The following SORT1 variants were observed in gnomAD, a reference collection of about 807,000 sequenced individuals.
The protein encoded by SORT1 is sortilin 1.
A neutral mutation model predicts 101.7 loss-of-function variants in SORT1; 39 were observed. The ratio of observed to expected loss-of-function variants is 0.38; its 90% CI spans 0.30 to 0.50. The LOEUF is 0.50. Among genes scored for constraint, SORT1 ranks in the 20% least tolerant of loss-of-function variants. The probability of loss-of-function intolerance (pLI) is 0.90; values close to 1 mark genes in which losing one functional copy is unlikely to be tolerated. For synonymous variants in SORT1, 396 were observed against 393.7 expected (o/e 1.01, Z -0.07); for missense variants, 878 against 1,040.4 (o/e 0.84, Z 2.15).
At chr1:109,389,739 G>A (rs1022454558) in intron 1 of SORT1, 2 of 152,170 alleles carry the variant, frequency 1.3e-5, no homozygotes, top group South Asian at 2.1e-4. Context: ...TTTTGGAAAC[G>A]TTAGCACTTC....
At chr1:109,394,425 G>GA (rs1047203113) in intron 1 of SORT1, among the ~76,000 whole-genome samples, 6 of 151,752 alleles carry the variant, frequency 4.0e-5, no homozygotes, top group Non-Finnish European at 8.8e-5. Context: ...AATGATATGA[G>GA]AAAAAAAACC....
intron 5 of SORT1, among the ~76,000 whole-genome samples, chr1:109,352,837 T>C (rs1650052742): frequency 6.6e-6 from 1 of 152,236 alleles, no homozygotes; most frequent in Non-Finnish European, 1.5e-5. Flanking sequence ...AGGACAGTGC[T>C]GTTTTAATAA....
intron 10 of SORT1, among the ~76,000 whole-genome samples, chr1:109,339,498 A>C (rs759985190): frequency 6.6e-6 from 1 of 152,234 alleles, no homozygotes; most frequent in East Asian, 1.9e-4. Context: ...AAAGTTGTTC[A>C]ACATCTTTAG....
In SORT1 at chr1:109,314,663, G is replaced by A; in HGVS notation, c.2357+9C>T. On this transcript the variant is annotated intron_variant, in intron 18 of 19. Coordinates refer to ENST00000256637, the MANE Select transcript of SORT1 (RefSeq NM_002959.7). ...CTCAGTACCTTGGATTGACTTCTGTGTTCCTTACCTTCCCCCACAGACATA... is the reference window on the plus strand; with the variant it reads ...CTCAGTACCTTGGATTGACTTCTGTATTCCTTACCTTCCCCCACAGACATA... 6.4e-7 allele frequency: 1 copy of A among 1,552,344 alleles called. No individual in the cohort carries two copies. Among genetic ancestry groups the A allele is most frequent in the Non-Finnish European group, 8.9e-7 (1 of 1,123,710 alleles).
Position 109,394,984 on chromosome 1 carries a change from C to T in SORT1, c.306+2603G>A, listed in dbSNP as rs1213912532. Among the ~76,000 whole-genome samples, 4 of 152,042 alleles carry T rather than the reference C, an allele frequency of 2.6e-5. No individual in the cohort carries two copies. In the East Asian group the frequency reaches 5.8e-4, roughly 22 times the overall value. ...CTGTTTTATAAACGGTCCAAAAATA[C>T]TAGATCTCTTCAATACAGTTCAGGA... On this transcript the variant is annotated intron_variant, in intron 1 of 19. Coordinates refer to ENST00000256637, the MANE Select transcript of SORT1 (RefSeq NM_002959.7).
At chr1:109,314,210 T>C in intron 19 of SORT1, 51 bp downstream of exon 19, 1 of 1,064,844 alleles carries the variant, frequency 9.4e-7, no homozygotes, top group South Asian at 1.2e-5. Context: ...CTTTATTTTC[T>C]TGTATTTTTT....
chr1:109,318,551 G>A (rs1251424538), intron 15 of SORT1, among the ~76,000 whole-genome samples: 2 of 152,230 alleles, frequency 1.3e-5, no homozygotes, highest in Non-Finnish European at 2.9e-5. Context: ...CTCAGGCGCA[G>A]GGAGGTGACT....
rs150300568 is a variant in SORT1 at position 109,313,847 on chromosome 1, T to C, written c.*196A>G. 5.9e-4 allele frequency: 330 copies of C among 558,262 alleles called. 1 individual carries two copies. In the East Asian group the frequency reaches 9.0e-3, roughly 15 times the overall value. 34.6% of individuals were successfully genotyped at this position (558,262 alleles called of 1,614,324 possible). A position where few individuals can be genotyped will look rare whatever the true frequency, so the allele number is the denominator to read the frequency against. The stretch of plus-strand genomic sequence containing the variant: ...ATGTCTCCCTTTTTCTCAGAGCCAA[T>C]TGTAAAAAAGTGCTCAGGGTTCCCC... On this transcript the variant is annotated 3_prime_UTR_variant, in exon 20 of 20. Coordinates refer to ENST00000256637, the MANE Select transcript of SORT1 (RefSeq NM_002959.7).
In SORT1 at chr1:109,322,992, C is replaced by T. The variant is rs376763956; in HGVS notation, c.1964G>A (p.Arg655Gln). Residue 655 changes from arginine (R) to glutamine (Q), a missense_variant, in exon 15 of 20, where the codon CGA (arginine) becomes CAA (glutamine). This residue lies in a region of SORT1 where 684 missense variants were observed against 894.5 expected (regional missense o/e 0.76). Coordinates refer to ENST00000256637, the MANE Select transcript of SORT1 (RefSeq NM_002959.7). ...LRKSSVCQNG[R>Q]DYVVTKQPSI... ...GGGCTGCTTGGTCACAACATAGTCT[C>T]GACCATTCTGACACACGGATGACTT... 195 of 1,614,032 alleles carry T rather than the reference C, an allele frequency of 1.2e-4. No homozygotes were observed. The highest frequency in any genetic ancestry group is 6.5e-4 in the Admixed American group (39 of 60,004).
chr1:109,387,058 A>C (rs1217771607), intron 1 of SORT1, among the ~76,000 whole-genome samples: 1 of 152,186 alleles, frequency 6.6e-6, no homozygotes, highest in Non-Finnish European at 1.5e-5. Context: ...TGGGAGGCTG[A>C]GGCAGGCAGA....
At chr1:109,317,416 C>G (rs1383990476) in intron 16 of SORT1, among the ~76,000 whole-genome samples, 1 of 152,222 alleles carries the variant, frequency 6.6e-6, no homozygotes, top group East Asian at 1.9e-4. Flanking sequence ...ATATTGGGCA[C>G]AGCAAATTAC....
At chr1:109,352,027 T>C (rs1650003526) in intron 5 of SORT1, among the ~76,000 whole-genome samples, 2 of 151,668 alleles carry the variant, frequency 1.3e-5, no homozygotes, top group African/African-American at 4.9e-5. Flanking sequence ...TGCACATGCA[T>C]GTAAGTTGGT....
At chr1:109,325,480 T>A (rs1358778926) in intron 13 of SORT1, among the ~76,000 whole-genome samples, 1 of 151,954 alleles carries the variant, frequency 6.6e-6, no homozygotes, top group Non-Finnish European at 1.5e-5. Flanking sequence ...CCTCAGGTAA[T>A]CTTCCCACCT....
chr1:109,397,025 C>G (rs1653216486), intron 1 of SORT1, among the ~76,000 whole-genome samples: 1 of 152,212 alleles, frequency 6.6e-6, no homozygotes, highest in African/African-American at 2.4e-5. Context: ...ACATGCTAGT[C>G]AGACTTCCGT....
At chr1:109,333,728 T>C (rs1648611125) in intron 11 of SORT1, among the ~76,000 whole-genome samples, 1 of 152,182 alleles carries the variant, frequency 6.6e-6, no homozygotes, top group Non-Finnish European at 1.5e-5. Context: ...AGAATGGCTA[T>C]TATCAAAGAG....
Position 109,313,665 on chromosome 1 carries a change from C to T in SORT1, c.*378G>A. The T allele has an allele frequency of 3.8e-6, 1 of 263,428 alleles. No homozygotes were observed. Among genetic ancestry groups the T allele is most frequent in the South Asian group, 4.9e-5 (1 of 20,220 alleles). 16.3% of individuals were successfully genotyped at this position (263,428 alleles called of 1,614,324 possible). Reference sequence around the variant, plus strand: ...CTGTGAGAGCTGATACTGGAGTTGGCAGATGCCCTGGGGCAGGCGCCATGC... The same window carrying T: ...CTGTGAGAGCTGATACTGGAGTTGGTAGATGCCCTGGGGCAGGCGCCATGC... On this transcript the variant is annotated 3_prime_UTR_variant, in exon 20 of 20. Coordinates refer to ENST00000256637, the MANE Select transcript of SORT1 (RefSeq NM_002959.7).
intron 15 of SORT1, 129 bp downstream of exon 15, chr1:109,322,803 G>A (rs550420368): frequency 3.0e-4 from 208 of 696,698 alleles, no homozygotes; most frequent in Non-Finnish European, 2.6e-5. Flanking sequence ...GCATCCCAAA[G>A]TGCTGGGATT....
chr1:109,388,448 C>G (rs1446897361), intron 1 of SORT1, among the ~76,000 whole-genome samples: 1 of 151,958 alleles, frequency 6.6e-6, no homozygotes, highest in African/African-American at 2.4e-5. Context: ...ACTATGTTGC[C>G]CAGGCTGGTT....
chr1:109,337,558 A>G (rs1410263160), intron 10 of SORT1, among the ~76,000 whole-genome samples: 11 of 152,060 alleles, frequency 7.2e-5, no homozygotes, highest in African/African-American at 2.4e-4. Flanking sequence ...TGAGTTTTCT[A>G]AGAAAAAGCA....
Sources: allele counts gnomAD v4.1 joint callset (sites outside exome capture counted in the v4.1 genomes callset), GRCh38; gene constraint gnomAD v4.1.1; regional missense constraint gnomAD v4.1.1; transcripts MANE v1.5; gene names NCBI Gene and HGNC (gene_info 2026-07-23, HGNC 2026-07-21).